The following JPH4 variants were observed in gnomAD, a reference collection of about 807,000 sequenced individuals.
JPH4 encodes the protein junctophilin 4.
JPH4 carries 18 observed loss-of-function variants against 57.6 expected under a neutral mutation model. The observed-to-expected ratio is 0.31, with a 90% CI of 0.22 to 0.46. The LOEUF (loss-of-function observed/expected upper bound fraction) is 0.46, where lower values mean the gene tolerates loss of function less well. Ranked by LOEUF, JPH4 falls within the 20% of genes least tolerant of loss-of-function variation. JPH4 has a pLI of 1.00. For missense variants in JPH4, 727 were observed against 911.1 expected (o/e 0.80, Z 2.60); for synonymous variants, 425 against 406.6 (o/e 1.05, Z -0.54).
chr14:23,571,328 C>T lies in JPH4; in HGVS notation c.1403G>A (p.Arg468His), dbSNP rs754493531. ...PELPSSPASS[R>H]QPWRPPACRS... is the part of the protein sequence containing the mutation. ...GCAGGCAGGGGGTCGCCAGGGTTGG[C>T]GGGAGGAGGCAGGACTGCTGGGCAG... The change falls in exon 5 of 6, where the codon CGC (arginine) becomes CAC (histidine). Residue 468 changes from arginine to histidine, a missense_variant. This residue lies in a region of JPH4 where 293 missense variants were observed against 279.8 expected (regional missense o/e 1.05). Coordinates refer to ENST00000356300, the MANE Select transcript of JPH4 (RefSeq NM_001146028.2). The surrounding 1 kb of genome is among the most constrained non-coding windows in gnomAD (Gnocchi z 4.6). 6.9e-6 allele frequency: 11 copies of T among 1,594,424 alleles called. No individual in the cohort carries two copies. The highest frequency in any genetic ancestry group is 4.0e-5 in the African/African-American group (3 of 74,600).
intron 5 of JPH4, among the ~76,000 whole-genome samples, chr14:23,570,345 G>T (rs1285248162): frequency 1.3e-5 from 2 of 148,210 alleles, no homozygotes; most frequent in Admixed American, 6.7e-5. Flanking sequence ...TTAATTATTA[G>T]TTTACAACCC....
At position 23,575,889 on chromosome 14, in the gene JPH4, C is replaced by G; in HGVS notation, c.947G>C (p.Gly316Ala). ...GTCGGGGCGGGTGGTGCGCCCGTAG[C>G]CGTGCCGCCGGTTGCCCAGCCACTC... ...EGEWLGNRRH[G>A]YGRTTRPDGS... The change falls in exon 3 of 6, where the codon GGC becomes GCC. Residue 316 changes from glycine to alanine, a missense_variant. Around this residue, in one of 7 missense-constraint regions of JPH4, gnomAD observed 112 missense variants for 199.4 expected, o/e 0.56. Coordinates refer to ENST00000356300, the MANE Select transcript of JPH4 (RefSeq NM_001146028.2). The surrounding 1 kb of genome is among the most constrained non-coding windows in gnomAD (Gnocchi z 6.9). The G allele has an allele frequency of 6.4e-7, 1 of 1,572,314 alleles. No individual in the cohort carries two copies. Among genetic ancestry groups the G allele is most frequent in the Non-Finnish European group, 8.6e-7 (1 of 1,163,614 alleles).
In JPH4 at chr14:23,576,826, T is replaced by G. The variant is rs953885079; in HGVS notation, c.379+249A>C. Among the ~76,000 whole-genome samples, 16 of 149,960 alleles carry G rather than the reference T, an allele frequency of 1.1e-4. No homozygotes were observed. Among genetic ancestry groups the G allele is most frequent in the African/African-American group, 3.9e-4 (16 of 40,556 alleles). ...AGCAGAGGTGTTGGGGACAGGCAGG[T>G]AGAGAGGGAGGTGTGAGGACAGGCA... On this transcript the variant is annotated intron_variant, in intron 2 of 5. Transcript: ENST00000356300. This position sits in a 1 kb window ranked among gnomAD's most constrained non-coding sequence, Gnocchi z 8.0.
Position 23,568,894 on chromosome 14 carries a change from C to T in JPH4, c.*740G>A, listed in dbSNP as rs142109924. 439 of 809,382 alleles carry T rather than the reference C, an allele frequency of 5.4e-4. 1 individual carries two copies. The highest frequency in any genetic ancestry group is 6.2e-4 in the Non-Finnish European group (418 of 669,014). The allele number at this position is 809,382 out of a possible 1,614,324, so 50.1% of individuals were successfully genotyped here. A position where few individuals can be genotyped will look rare whatever the true frequency, so the allele number is the denominator to read the frequency against. On this transcript the variant is annotated 3_prime_UTR_variant, in exon 6 of 6. Coordinates refer to ENST00000356300, the MANE Select transcript of JPH4 (RefSeq NM_001146028.2). ...ATTGGATATTCTCTGTTCCTTTACA[C>T]GTTGCTCTTGGCATGGCATGCCACC...
rs1237488593 is a variant in JPH4 at position 23,576,289 on chromosome 14, C to T, written c.547G>A (p.Glu183Lys). 2 of 1,265,840 alleles carry T rather than the reference C, an allele frequency of 1.6e-6. No homozygotes were observed. Among genetic ancestry groups the T allele is most frequent in the Admixed American group, 8.4e-5 (2 of 23,774 alleles). 78.4% of individuals were successfully genotyped at this position (1,265,840 alleles called of 1,614,324 possible). Residue 183 changes from glutamate (E) to lysine (K), a missense_variant, in exon 3 of 6, where the codon GAG (glutamate) becomes AAG (lysine). Around this residue, in one of 7 missense-constraint regions of JPH4, gnomAD observed 131 missense variants for 156.5 expected, o/e 0.84. Coordinates refer to ENST00000356300, the MANE Select transcript of JPH4 (RefSeq NM_001146028.2). The surrounding 1 kb of genome is among the most constrained non-coding windows in gnomAD (Gnocchi z 8.0). The stretch of plus-strand genomic sequence containing the variant: ...GAGCCCGAGGCGGGGCTGCCTCCCT[C>T]GTCGCCCGGCAAGGGCAGGGGCGGG... Reference protein sequence around the residue: ...PPPPLPLPGDEGGSPASGSRG... With the variant: ...PPPPLPLPGDKGGSPASGSRG...
rs1888914436 is a variant in JPH4 at position 23,568,614 on chromosome 14, C to T, written c.*1020G>A. 1 of 985,778 alleles carries T rather than the reference C, an allele frequency of 1.0e-6. No homozygotes were observed. The highest frequency in any genetic ancestry group is 1.2e-6 in the Non-Finnish European group (1 of 829,962). 61.1% of individuals were successfully genotyped at this position (985,778 alleles called of 1,614,324 possible). On this transcript the variant is annotated 3_prime_UTR_variant, in exon 6 of 6. Coordinates refer to ENST00000356300, the MANE Select transcript of JPH4 (RefSeq NM_001146028.2). Reference sequence around the variant, plus strand: ...ACTAAACTTGTCACAGCTTCTGCTTCCATGTGAGCTCCTGTTATCTTGTCT... The same window carrying T: ...ACTAAACTTGTCACAGCTTCTGCTTTCATGTGAGCTCCTGTTATCTTGTCT...
rs561919090 is a variant in JPH4 at position 23,577,690 on chromosome 14, G to A, written c.-171-66C>T. The A allele has an allele frequency of 7.5e-6, 3 of 400,126 alleles. No homozygotes were observed. Among genetic ancestry groups the A allele is most frequent in the South Asian group, 9.2e-5 (1 of 10,836 alleles). 24.8% of individuals were successfully genotyped at this position (400,126 alleles called of 1,614,324 possible). A position where few individuals can be genotyped will look rare whatever the true frequency, so the allele number is the denominator to read the frequency against. The stretch of plus-strand genomic sequence containing the variant: ...CCCTCCTCTTTGCCCGCCGCTCCCT[G>A]GCCCGGTGGCTCTGGGGCATCAGCG... On this transcript the variant is annotated intron_variant, in intron 1 of 5. Coordinates refer to ENST00000356300, the MANE Select transcript of JPH4 (RefSeq NM_001146028.2). The surrounding 1 kb of genome is among the most constrained non-coding windows in gnomAD (Gnocchi z 8.4).
chr14:23,572,720 C>A (rs1384900286), intron 3 of JPH4: 8 of 597,856 alleles, frequency 1.3e-5, no homozygotes, highest in East Asian at 5.7e-5. Context: ...GTGGGTCTCC[C>A]CTTTCGGTAA....
At position 23,571,994 on chromosome 14, in the gene JPH4, C is replaced by T; in HGVS notation, c.1152-74G>A. ...TTAGTCCCTGCTCAGATGCTCCAGC[C>T]CCCTAGCCCCTGTCCCCTCTACATC... On this transcript the variant is annotated intron_variant, in intron 3 of 5. Coordinates refer to ENST00000356300, the MANE Select transcript of JPH4 (RefSeq NM_001146028.2). This position sits in a 1 kb window ranked among gnomAD's most constrained non-coding sequence, Gnocchi z 4.6. 7.6e-7 allele frequency: 1 copy of T among 1,322,294 alleles called. No homozygotes were observed. Among genetic ancestry groups the T allele is most frequent in the Non-Finnish European group, 1.1e-6 (1 of 932,586 alleles). 81.9% of individuals were successfully genotyped at this position (1,322,294 alleles called of 1,614,324 possible).
intron 3 of JPH4, chr14:23,572,758 T>C: frequency 1.5e-6 from 1 of 645,210 alleles, no homozygotes; most frequent in Non-Finnish European, 2.8e-6. Flanking sequence ...CCTACTAACA[T>C]GCAATATGCT....
In JPH4 at chr14:23,568,727, A is replaced by C. The variant is rs775922289; in HGVS notation, c.*907T>G. The C allele has an allele frequency of 1.0e-6, 1 of 985,840 alleles. No individual in the cohort carries two copies. Among genetic ancestry groups the C allele is most frequent in the Admixed American group, 6.1e-5 (1 of 16,274 alleles). The allele number at this position is 985,840 out of a possible 1,614,324, so 61.1% of individuals were successfully genotyped here. A position where few individuals can be genotyped will look rare whatever the true frequency, so the allele number is the denominator to read the frequency against. ...TGCTCAAGTGCCTCTAACCCTCTGC[A>C]GTAGAAATGTCTTCTTCAGGCCCCT... On this transcript the variant is annotated 3_prime_UTR_variant, in exon 6 of 6. Coordinates refer to ENST00000356300, the MANE Select transcript of JPH4 (RefSeq NM_001146028.2).
Position 23,576,760 on chromosome 14 carries a change from T to C in JPH4, c.380-304A>G, listed in dbSNP as rs965084506. 2.0e-5 allele frequency among the ~76,000 whole-genome samples: 3 copies of C among 151,276 alleles called. No individual in the cohort carries two copies. The highest frequency in any genetic ancestry group is 2.9e-5 in the Non-Finnish European group (2 of 67,858). On this transcript the variant is annotated intron_variant, in intron 2 of 5. Coordinates refer to ENST00000356300, the MANE Select transcript of JPH4 (RefSeq NM_001146028.2). The surrounding 1 kb of genome is among the most constrained non-coding windows in gnomAD (Gnocchi z 8.0). ...GGACAGGCTGGTCAGGGCGTTTAGATAGGCAAACAGTACTCTGAGGGGCAC... is the reference window on the plus strand; with the variant it reads ...GGACAGGCTGGTCAGGGCGTTTAGACAGGCAAACAGTACTCTGAGGGGCAC...
At position 23,572,386 on chromosome 14, in the gene JPH4, C is replaced by G. The variant is rs76716163; in HGVS notation, c.1152-466G>C. 7.9e-4 allele frequency among the ~76,000 whole-genome samples: 120 copies of G among 152,014 alleles called. 3 individuals are homozygous for G. The East Asian group carries it at 0.018, about 23-fold the overall frequency. On this transcript the variant is annotated intron_variant, in intron 3 of 5. Coordinates refer to ENST00000356300, the MANE Select transcript of JPH4 (RefSeq NM_001146028.2). ...TGTTGTTACTAACCCCTCTCACCCC[C>G]CTGGAGTCACAGGCCTCTCTGTGGG...
intron 5 of JPH4, among the ~76,000 whole-genome samples, chr14:23,570,433 G>A (rs1170833519): frequency 1.4e-5 from 2 of 145,722 alleles, no homozygotes; most frequent in African/African-American, 5.2e-5. Context: ...GTGCAGTGGC[G>A]CGATCTCAGC....
In JPH4 at chr14:23,568,416, G is replaced by A; in HGVS notation, c.*1218C>T. The A allele has an allele frequency of 1.0e-6, 1 of 985,760 alleles. No homozygotes were observed. Among genetic ancestry groups the A allele is most frequent in the Non-Finnish European group, 1.2e-6 (1 of 829,968 alleles). The allele number at this position is 985,760 out of a possible 1,614,324, so 61.1% of individuals were successfully genotyped here. ...AAAAACTAATACCAGAGAGGGATCA[G>A]CCACAACCTCAAACAGGGCTCTCCA... is the stretch of plus-strand genomic sequence containing the variant. On this transcript the variant is annotated 3_prime_UTR_variant, in exon 6 of 6. Transcript: ENST00000356300.
At position 23,568,945 on chromosome 14, in the gene JPH4, C is replaced by T. The variant is rs1014356947; in HGVS notation, c.*689G>A. On this transcript the variant is annotated 3_prime_UTR_variant, in exon 6 of 6. Coordinates refer to ENST00000356300, the MANE Select transcript of JPH4 (RefSeq NM_001146028.2). ...AGAGGGGGCTGGAGGAGGGGCTGGCCGATGAGGAGAAAAAGAGGGAAATGC... is the reference window on the plus strand; with the variant it reads ...AGAGGGGGCTGGAGGAGGGGCTGGCTGATGAGGAGAAAAAGAGGGAAATGC... 2.3e-5 allele frequency: 6 copies of T among 261,934 alleles called. No homozygotes were observed. The highest frequency in any genetic ancestry group is 3.0e-5 in the Non-Finnish European group (5 of 168,482). 16.2% of individuals were successfully genotyped at this position (261,934 alleles called of 1,614,324 possible). A position where few individuals can be genotyped will look rare whatever the true frequency, so the allele number is the denominator to read the frequency against.
intron 3 of JPH4, among the ~76,000 whole-genome samples, chr14:23,573,358 C>G (rs540775997): frequency 1.2e-4 from 19 of 152,344 alleles, no homozygotes; most frequent in African/African-American, 4.3e-4. Context: ...TCAGGGTGCA[C>G]AGCGGGCACA....
intron 3 of JPH4, among the ~76,000 whole-genome samples, chr14:23,574,017 G>T (rs1366280694): frequency 6.6e-6 from 1 of 150,842 alleles, no homozygotes; most frequent in African/African-American, 2.5e-5. Flanking sequence ...AAGCATATTT[G>T]GACATATCCT....
In JPH4 at chr14:23,576,561, A is replaced by T; in HGVS notation, c.380-105T>A. The T allele has an allele frequency of 1.0e-6, 1 of 992,542 alleles. No individual in the cohort carries two copies. Among genetic ancestry groups the T allele is most frequent in the Non-Finnish European group, 1.3e-6 (1 of 753,438 alleles). The allele number at this position is 992,542 out of a possible 1,614,324, so 61.5% of individuals were successfully genotyped here. On this transcript the variant is annotated intron_variant, in intron 2 of 5. Coordinates refer to ENST00000356300, the MANE Select transcript of JPH4 (RefSeq NM_001146028.2). This position sits in a 1 kb window ranked among gnomAD's most constrained non-coding sequence, Gnocchi z 8.0. The stretch of plus-strand genomic sequence containing the variant: ...GAAGCCCAAGCGTCAGGCGGGAGAG[A>T]TGGAGGCAGTTAGTGTGGAGGTCGG...
Sources: gnomAD v4.1 joint callset for allele counts (sites outside exome capture counted in the v4.1 genomes callset) on GRCh38, gnomAD v4.1.1 for gene constraint, gnomAD v4.1.1 regional missense constraint, Gnocchi (gnomAD v3.1) non-coding constraint, MANE v1.5 for transcripts, NCBI Gene and HGNC (gene_info 2026-07-23, HGNC 2026-07-21) for gene names.